NDUFAF6: variants seen among roughly 807,000 people sequenced by gnomAD.
NDUFAF6 encodes the protein NADH dehydrogenase (ubiquinone) complex I, assembly factor 6.
In NDUFAF6, 45 loss-of-function variants were observed where a neutral mutation model predicts 40.8. That is an observed-to-expected ratio of 1.10 (90% CI 0.87 to 1.42). The LOEUF is 1.42. NDUFAF6 is among the 40% of genes most tolerant of loss of function. The probability of loss-of-function intolerance (pLI) is 0.00; values close to 1 mark genes in which losing one functional copy is unlikely to be tolerated. For synonymous variants in NDUFAF6, 185 were observed against 155.9 expected (o/e 1.19, Z -1.39); for missense variants, 435 against 418.5 (o/e 1.04, Z -0.34).
intron 2 of NDUFAF6, among the ~76,000 whole-genome samples, chr8:95,033,202 G>C (rs1829059205): frequency 1.3e-5 from 2 of 151,958 alleles, no homozygotes; most frequent in Admixed American, 6.6e-5. Flanking sequence ...CACTATGCCT[G>C]GCTAATTAAA....
intron 9 of NDUFAF6, among the ~76,000 whole-genome samples, chr8:95,072,542 C>T (rs892479191): frequency 6.6e-6 from 1 of 152,218 alleles, no homozygotes; most frequent in Non-Finnish European, 1.5e-5. Context: ...CTCACAAGTT[C>T]CTATGATGGC....
At chr8:95,053,925 C>A (rs1026481865) in intron 8 of NDUFAF6, among the ~76,000 whole-genome samples, 1 of 37,016 alleles carries the variant, frequency 2.7e-5, no homozygotes, top group Non-Finnish European at 5.0e-5. Context: ...CCGTGCCCGG[C>A]TTTTTTTTTT....
chr8:95,111,416 G>T (rs1229077669), intron 4 of NDUFAF6, among the ~76,000 whole-genome samples: 1 of 152,192 alleles, frequency 6.6e-6, no homozygotes, highest in African/African-American at 2.4e-5. Context: ...TGTAATCTCA[G>T]TATGATCGAT....
intron 4 of NDUFAF6, among the ~76,000 whole-genome samples, chr8:95,113,487 G>A (rs2132089293): frequency 6.6e-6 from 1 of 152,262 alleles, no homozygotes; most frequent in African/African-American, 2.4e-5. Context: ...GAGTCTGAGG[G>A]ACCTTCCAGG....
intron 2 of NDUFAF6, among the ~76,000 whole-genome samples, chr8:95,007,707 G>A (rs1053774993): frequency 2.2e-5 from 3 of 134,234 alleles, no homozygotes; most frequent in Non-Finnish European, 4.7e-5. Flanking sequence ...TAAAGATCAT[G>A]TAGTTTAGTC....
intron 1 of NDUFAF6, among the ~76,000 whole-genome samples, chr8:94,972,937 T>G (rs930504325): frequency 2.0e-5 from 3 of 151,464 alleles, no homozygotes; most frequent in Admixed American, 2.0e-4. Flanking sequence ...CTTAGCCAGG[T>G]ATGGTGCCTC....
At chr8:95,045,670 A>G in intron 5 of NDUFAF6, 23 bp downstream of exon 5, 1 of 1,573,524 alleles carries the variant, frequency 6.4e-7, no homozygotes, top group Non-Finnish European at 8.7e-7. Flanking sequence ...TCTGTTTCAT[A>G]CTTCTTTTTT....
intron 1 of NDUFAF6, among the ~76,000 whole-genome samples, chr8:94,937,866 T>C (rs966304515): frequency 1.3e-5 from 2 of 152,144 alleles, no homozygotes; most frequent in East Asian, 1.9e-4. Context: ...ACTAATTTTG[T>C]ACCTATGTCA....
intron 4 of NDUFAF6, among the ~76,000 whole-genome samples, chr8:95,115,228 T>A (rs1810107057): frequency 6.6e-6 from 1 of 152,166 alleles, no homozygotes; most frequent in South Asian, 2.1e-4. Context: ...CTTGAACACC[T>A]CAATATTTGT....
At chr8:94,897,145 T>C (rs1391779305) in intron 1 of NDUFAF6, among the ~76,000 whole-genome samples, 1 of 152,176 alleles carries the variant, frequency 6.6e-6, no homozygotes, top group Non-Finnish European at 1.5e-5. Context: ...GTGGTTGAAT[T>C]TGATAAAATA....
At chr8:95,004,368 T>TC (rs1451500155) in intron 2 of NDUFAF6, among the ~76,000 whole-genome samples, 1 of 133,868 alleles carries the variant, frequency 7.5e-6, no homozygotes, top group African/African-American at 2.7e-5. Flanking sequence ...TTTTTTTTTT[T>TC]TTTTGAGACC....
chr8:95,102,967 T>G (rs1392553505), intron 2 of NDUFAF6: 1 of 152,202 alleles, frequency 6.6e-6, no homozygotes, highest in African/African-American at 2.4e-5. Flanking sequence ...TTCCTTTTTT[T>G]CTCTACAGGC....
chr8:94,974,654 A>G (rs1586861467), intron 1 of NDUFAF6: 1 of 153,918 alleles, frequency 6.5e-6, no homozygotes, highest in Non-Finnish European at 1.4e-5. Flanking sequence ...GTTGATGAAG[A>G]AGGAAGCAGC....
At chr8:95,083,083 T>C (rs1165080499) in intron 2 of NDUFAF6, among the ~76,000 whole-genome samples, 1 of 152,212 alleles carries the variant, frequency 6.6e-6, no homozygotes, top group Non-Finnish European at 1.5e-5. Flanking sequence ...ACTTGACCCA[T>C]ATTCCTTAGA....
At chr8:94,977,245 C>T (rs1003665906) in intron 1 of NDUFAF6, among the ~76,000 whole-genome samples, 16 of 151,804 alleles carry the variant, frequency 1.1e-4, no homozygotes, top group Non-Finnish European at 2.1e-4. Context: ...GGTGCAGTGG[C>T]TCATGCCTGT....
chr8:94,896,103 TCTC>T (rs1353119605), intron 1 of NDUFAF6, among the ~76,000 whole-genome samples: 1 of 152,010 alleles, frequency 6.6e-6, no homozygotes, highest in Non-Finnish European at 1.5e-5. Context: ...CTTCCTCTCT[TCTC>T]CACCTCCAAT....
chr8:94,944,804 C>T (rs551684352), intron 1 of NDUFAF6, among the ~76,000 whole-genome samples: 1 of 152,352 alleles, frequency 6.6e-6, no homozygotes, highest in African/African-American at 2.4e-5. Flanking sequence ...TTCTGAGCTT[C>T]AGTCTCACTG....
downstream of NDUFAF6, among the ~76,000 whole-genome samples, chr8:95,107,223 G>A (rs538511820): frequency 3.9e-5 from 6 of 152,124 alleles, no homozygotes; most frequent in South Asian, 4.2e-4. Context: ...GCAAAGACTC[G>A]GAACCAACCC....
intron 2 of NDUFAF6, among the ~76,000 whole-genome samples, chr8:94,983,558 C>T (rs1430063187): frequency 6.6e-6 from 1 of 152,282 alleles, no homozygotes; most frequent in East Asian, 1.9e-4. Context: ...TGAGCCACCA[C>T]ATCCAGCCAA....
Sources: gnomAD v4.1 joint callset for allele counts (sites outside exome capture counted in the v4.1 genomes callset) on GRCh38, gnomAD v4.1.1 for gene constraint, MANE v1.5 for transcripts, NCBI Gene and HGNC (gene_info 2026-07-23, HGNC 2026-07-21) for gene names.